The following CNBD2 variants were observed in gnomAD, a reference collection of about 807,000 sequenced individuals.
CNBD2 encodes the protein cyclic nucleotide binding domain containing 2.
A neutral mutation model predicts 63.7 loss-of-function variants in CNBD2; 64 were observed. That is an observed-to-expected ratio of 1.00 (90% confidence interval 0.82 to 1.24). The LOEUF is 1.24. CNBD2 is among the 50% of genes most tolerant of loss of function. The probability of loss-of-function intolerance (pLI) is 0.00; values close to 1 mark genes in which losing one functional copy is unlikely to be tolerated. For missense variants in CNBD2, 691 were observed against 713.5 expected (o/e 0.97, Z 0.36); for synonymous variants, 229 against 255.4 (o/e 0.90, Z 0.99).
chr20:35,984,525 A>C, intron 5 of CNBD2, 102 bp from the exon 6 acceptor site: 2 of 1,260,336 alleles, frequency 1.6e-6, no homozygotes, highest in Non-Finnish European at 2.2e-6. Context: ...TCTGGTGAGG[A>C]GAGAATTCAG....
At chr20:35,962,684 A>G (rs1199576490) in intron 2 of CNBD2, among the ~76,000 whole-genome samples, 1 of 152,212 alleles carries the variant, frequency 6.6e-6, no homozygotes, top group East Asian at 1.9e-4. Flanking sequence ...CTCCTTAGCT[A>G]TGTTAACATA....
At chr20:35,954,429 G>A (rs41293096), upstream of CNBD2, 1,358 of 1,550,364 alleles carry the variant, frequency 8.8e-4, 1 homozygote, top group Non-Finnish European at 1.1e-3. Flanking sequence ...GGGACCGGCC[G>A]AGAGTGTGCG....
At chr20:36,014,133 A>C (rs1171022273) in intron 10 of CNBD2, among the ~76,000 whole-genome samples, 1 of 142,104 alleles carries the variant, frequency 7.0e-6, no homozygotes, top group Non-Finnish European at 1.5e-5. Context: ...CAGTGAGCTG[A>C]GATTGTGCCA....
At chr20:35,955,487 G>T (rs953712551), downstream of CNBD2, 1 of 152,178 alleles carries the variant, frequency 6.6e-6, no homozygotes, top group African/African-American at 2.4e-5. Flanking sequence ...TACCTTGGTG[G>T]AATCCCCTTT....
chr20:35,968,261 G>A (rs1042269847), upstream of CNBD2, among the ~76,000 whole-genome samples: 4 of 152,130 alleles, frequency 2.6e-5, no homozygotes, highest in Non-Finnish European at 4.4e-5. Flanking sequence ...CCTGGTCATT[G>A]CCAAGACATT....
rs567934194 is a variant in CNBD2 at position 35,998,045 on chromosome 20, T to C, written c.970+2893T>C. Among the ~76,000 whole-genome samples the C allele has an allele frequency of 1.5e-4, 21 of 144,140 alleles. No homozygotes were observed. In the East Asian group the frequency reaches 1.9e-3, roughly 13 times the overall value. The allele number at this position is 144,140 out of a possible 152,430, so 94.6% of individuals were successfully genotyped here. On this transcript the variant is annotated intron_variant, in intron 8 of 11. Transcript: ENST00000373973. ...CTGATTTCTTTTTTCTTTTTCTTTT[T>C]TTTTTTTTTTTTTTGAGAGGGAGTC...
At position 35,987,552 on chromosome 20, in the gene CNBD2, G is replaced by A; in HGVS notation, c.855+19G>A. 2 of 1,613,784 alleles carry A rather than the reference G, an allele frequency of 1.2e-6. No homozygotes were observed. Among genetic ancestry groups the A allele is most frequent in the Non-Finnish European group, 1.7e-6 (2 of 1,179,860 alleles). ...CAGCAAGGTGAAAAGTCTGGGGGTT[G>A]GGATGAGGGTGAACCTCTGAGGAGC... On this transcript the variant is annotated intron_variant, in intron 7 of 11. Transcript: ENST00000373973.
At chr20:35,964,476 T>C (rs2056330043), upstream of CNBD2, among the ~76,000 whole-genome samples, 1 of 150,920 alleles carries the variant, frequency 6.6e-6, no homozygotes, top group Non-Finnish European at 1.5e-5. Context: ...CTGCAGCCTC[T>C]GCCTCCTGGG....
chr20:36,009,262 C>T (rs1421474176), intron 9 of CNBD2, among the ~76,000 whole-genome samples: 1 of 150,296 alleles, frequency 6.7e-6, no homozygotes, highest in Non-Finnish European at 1.5e-5. Flanking sequence ...AGTGCAGTGG[C>T]GCGATCTCTG....
intron 11 of CNBD2, among the ~76,000 whole-genome samples, chr20:36,026,171 C>T (rs2057280857): frequency 6.6e-6 from 1 of 152,086 alleles, no homozygotes; most frequent in Admixed American, 6.6e-5. Flanking sequence ...GTAGCTGGGA[C>T]AACAGGCAGG....
Position 35,968,631 on chromosome 20 carries a change from G to A in CNBD2, c.-132G>A. On this transcript the variant is annotated 5_prime_UTR_variant, in exon 1 of 12. Transcript: ENST00000373973. ...TAGCTGATGGTATGGTAGGAGGAGT[G>A]GAGTGGAGCTCTTGCCTTGTTACTG... 1 of 622,576 alleles carries A rather than the reference G, an allele frequency of 1.6e-6. No individual in the cohort carries two copies. The highest frequency in any genetic ancestry group is 1.8e-5 in the South Asian group (1 of 55,864). 38.6% of individuals were successfully genotyped at this position (622,576 alleles called of 1,614,324 possible). A position where few individuals can be genotyped will look rare whatever the true frequency, so the allele number is the denominator to read the frequency against.
At chr20:36,016,671 C>T (rs1025090125) in intron 10 of CNBD2, among the ~76,000 whole-genome samples, 2 of 151,736 alleles carry the variant, frequency 1.3e-5, no homozygotes, top group Non-Finnish European at 2.9e-5. Context: ...CACCTGTAAC[C>T]CCAGGTACTC....
intron 9 of CNBD2, 52 bp downstream of exon 9, chr20:36,008,526 A>T: frequency 6.5e-7 from 1 of 1,526,776 alleles, no homozygotes; most frequent in Non-Finnish European, 8.9e-7. Flanking sequence ...TTGCAAAGGG[A>T]GATAATACTT....
At chr20:35,997,875 A>G (rs2056845738) in intron 8 of CNBD2, among the ~76,000 whole-genome samples, 1 of 152,060 alleles carries the variant, frequency 6.6e-6, no homozygotes, top group Non-Finnish European at 1.5e-5. Context: ...TGCATCCCAC[A>G]AATTTTGATA....
intron 7 of CNBD2, among the ~76,000 whole-genome samples, chr20:35,993,207 A>G (rs898580049): frequency 1.3e-5 from 2 of 152,204 alleles, no homozygotes; most frequent in Non-Finnish European, 2.9e-5. Context: ...ACAGCTTCAT[A>G]AATTTTTATA....
intron 7 of CNBD2, among the ~76,000 whole-genome samples, chr20:35,987,926 A>G (rs1456179468): frequency 6.6e-6 from 1 of 152,106 alleles, no homozygotes; most frequent in East Asian, 1.9e-4. Flanking sequence ...CTGGAGTGCA[A>G]TGGCACAATC....
chr20:36,010,423 G>A (rs2057042362), intron 9 of CNBD2, among the ~76,000 whole-genome samples: 1 of 137,256 alleles, frequency 7.3e-6, no homozygotes. Flanking sequence ...CAGCCTGGGC[G>A]ACAAGAGCAA....
chr20:35,996,523 T>TTC, intron 8 of CNBD2, among the ~76,000 whole-genome samples: 1 of 151,486 alleles, frequency 6.6e-6, no homozygotes, highest in Non-Finnish European at 1.5e-5. Flanking sequence ...TTTTTTTTTT[T>TTC]TGGAGACAGA....
intron 7 of CNBD2, among the ~76,000 whole-genome samples, chr20:35,990,216 T>C (rs1467610284): frequency 6.6e-6 from 1 of 152,246 alleles, no homozygotes; most frequent in Non-Finnish European, 1.5e-5. Context: ...GTTTAGGGCT[T>C]TGCTGATTGT....
Sources: gnomAD v4.1 joint callset for allele counts (sites outside exome capture counted in the v4.1 genomes callset) on GRCh38, gnomAD v4.1.1 for gene constraint, MANE v1.5 for transcripts, NCBI Gene and HGNC (gene_info 2026-07-23, HGNC 2026-07-21) for gene names.